The following AKAP12 variants were observed in gnomAD, a reference collection of about 807,000 sequenced individuals.
The protein encoded by AKAP12 is A-kinase anchoring protein 12.
AKAP12 carries 32 observed loss-of-function variants against 79.9 expected under a neutral mutation model. The ratio of observed to expected loss-of-function variants is 0.40; its 90% CI spans 0.30 to 0.54. The LOEUF is 0.54. Among genes scored for constraint, AKAP12 ranks in the 20% least tolerant of loss-of-function variants. The pLI, the probability that AKAP12 is intolerant of heterozygous loss-of-function variation, is 0.48. For missense variants in AKAP12, 2,074 were observed against 2,177.0 expected (o/e 0.95, Z 0.94); for synonymous variants, 808 against 857.0 (o/e 0.94, Z 1.00).
chr6:151,328,097 G>C (rs1196991452), intron 3 of AKAP12, among the ~76,000 whole-genome samples: 1 of 152,022 alleles, frequency 6.6e-6, no homozygotes, highest in Non-Finnish European at 1.5e-5. Context: ...GGAGGCCGAG[G>C]TGGGCGGATC....
At position 151,357,878 on chromosome 6, in the gene AKAP12, G is replaced by C. The variant is rs990487494; in HGVS notation, c.*2164G>C. 6.6e-6 allele frequency: 1 copy of C among 152,034 alleles called. No homozygotes were observed. Among genetic ancestry groups the C allele is most frequent in the African/African-American group, 2.4e-5 (1 of 41,394 alleles). The allele number at this position is 152,034 out of a possible 1,614,324, so 9.4% of individuals were successfully genotyped here. On this transcript the variant is annotated 3_prime_UTR_variant, in exon 5 of 5. Coordinates refer to ENST00000402676, the MANE Select transcript of AKAP12 (RefSeq NM_005100.4). ...TCTGTGCTGTTTTGAACAGATTAAAGATTTGTGTAGTTTGTGGGAAATTGA... is the reference window on the plus strand; with the variant it reads ...TCTGTGCTGTTTTGAACAGATTAAACATTTGTGTAGTTTGTGGGAAATTGA...
Position 151,350,829 on chromosome 6 carries a change from G to A in AKAP12, c.2438G>A (p.Gly813Glu), listed in dbSNP as rs530775686. 3.7e-6 allele frequency: 6 copies of A among 1,613,964 alleles called. No individual in the cohort carries two copies. Among genetic ancestry groups the A allele is most frequent in the South Asian group, 3.3e-5 (3 of 91,078 alleles). Residue 813 changes from glycine (G) to glutamate (E), a missense_variant, in exon 4 of 5, where the codon GGA (glycine) becomes GAA (glutamate). Transcript: ENST00000402676. The surrounding 1 kb of genome is among the most constrained non-coding windows in gnomAD (Gnocchi z 4.8). Reference protein sequence around the residue: ...SWVSIKKFIPGRRKKRPDGKQ... With the variant: ...SWVSIKKFIPERRKKRPDGKQ... ...GTCTCAATCAAGAAGTTTATTCCTG[G>A]ACGAAGGAAGAAAAGGCCAGATGGG...
At chr6:151,278,521 A>G (rs1261513789) in intron 2 of AKAP12, among the ~76,000 whole-genome samples, 3 of 152,062 alleles carry the variant, frequency 2.0e-5, no homozygotes, top group African/African-American at 7.2e-5. Context: ...TGGCTGTGTC[A>G]TGTGTTTTTA....
At chr6:151,286,754 T>C (rs1420412299) in intron 2 of AKAP12, among the ~76,000 whole-genome samples, 2 of 152,116 alleles carry the variant, frequency 1.3e-5, no homozygotes, top group Non-Finnish European at 2.9e-5. Context: ...CAGGGTAAGT[T>C]GCCCCTCTTG....
chr6:151,322,054 C>T (rs565213999), intron 3 of AKAP12, among the ~76,000 whole-genome samples: 5 of 151,880 alleles, frequency 3.3e-5, no homozygotes, highest in South Asian at 4.2e-4. Flanking sequence ...GGATTACAGG[C>T]GCCCGCCACC....
At chr6:151,347,551 TAGTTA>T (rs1017927578) in intron 3 of AKAP12, among the ~76,000 whole-genome samples, 1 of 152,222 alleles carries the variant, frequency 6.6e-6, no homozygotes, top group Admixed American at 6.5e-5. Flanking sequence ...AATTTTTTGA[TAGTTA>T]AGTTTGTCAA....
intron 2 of AKAP12, among the ~76,000 whole-genome samples, chr6:151,290,665 G>T (rs1776599154): frequency 6.6e-6 from 1 of 151,850 alleles, no homozygotes; most frequent in South Asian, 2.1e-4. Flanking sequence ...GAGTGCAGTG[G>T]CATGATCTTG....
intron 3 of AKAP12, among the ~76,000 whole-genome samples, chr6:151,344,481 A>G (rs566549790): frequency 6.6e-6 from 1 of 152,106 alleles, no homozygotes; most frequent in South Asian, 2.1e-4. Context: ...TCTAGGTCAC[A>G]CTCTTGCCCT....
intron 2 of AKAP12, among the ~76,000 whole-genome samples, chr6:151,283,090 A>G (rs1412970038): frequency 1.3e-5 from 2 of 152,160 alleles, no homozygotes; most frequent in African/African-American, 2.4e-5. Flanking sequence ...AGGCCCTTGT[A>G]TAAGGAGGCT....
At chr6:151,243,437 A>G in intron 2 of AKAP12, among the ~76,000 whole-genome samples, 1 of 152,214 alleles carries the variant, frequency 6.6e-6, no homozygotes, top group South Asian at 2.1e-4. Context: ...TTATTCACTA[A>G]GTGCCCTTAT....
chr6:151,351,669 T>C lies in AKAP12; in HGVS notation c.3278T>C (p.Val1093Ala). 1 of 1,614,072 alleles carries C rather than the reference T, an allele frequency of 6.2e-7. No homozygotes were observed. The highest frequency in any genetic ancestry group is 8.5e-7 in the Non-Finnish European group (1 of 1,180,020). The change falls in exon 4 of 5, where the codon GTG becomes GCG. Residue 1093 changes from valine (V) to alanine (A), a missense_variant. By Grantham distance (64) the Val-to-Ala change is moderately conservative. Coordinates refer to ENST00000402676, the MANE Select transcript of AKAP12 (RefSeq NM_005100.4). This position sits in a 1 kb window ranked among gnomAD's most constrained non-coding sequence, Gnocchi z 4.4. The part of the protein sequence containing the change: ...ASGLKKETDV[V>A]LKVDAQEAKT... Reference sequence around the variant, plus strand: ...GGTCTGAAGAAAGAGACGGATGTAGTGTTGAAAGTAGATGCTCAGGAGGCA... The same window carrying C: ...GGTCTGAAGAAAGAGACGGATGTAGCGTTGAAAGTAGATGCTCAGGAGGCA...
At chr6:151,266,228 A>G (rs891720877) in intron 2 of AKAP12, among the ~76,000 whole-genome samples, 4 of 152,246 alleles carry the variant, frequency 2.6e-5, no homozygotes, top group Admixed American at 1.3e-4. Flanking sequence ...AAAAGTTAGG[A>G]TAGATAGCTG....
intron 2 of AKAP12, among the ~76,000 whole-genome samples, chr6:151,281,496 T>C (rs1230079262): frequency 6.6e-6 from 1 of 152,242 alleles, no homozygotes; most frequent in African/African-American, 2.4e-5. Flanking sequence ...GGTCTTCTTA[T>C]ATGCTTCAGA....
intron 2 of AKAP12, among the ~76,000 whole-genome samples, chr6:151,245,593 C>T (rs1444242559): frequency 7.1e-5 from 10 of 141,786 alleles, no homozygotes; most frequent in Admixed American, 6.9e-4. Context: ...TGCAGGGAGC[C>T]GAGATGGCAC....
In AKAP12 at chr6:151,312,793, C is replaced by CAAAAAAAAAAA. The variant is rs55685824; in HGVS notation, c.319+6898_319+6908dup. Among the ~76,000 whole-genome samples, 617 of 72,896 alleles carry CAAAAAAAAAAA rather than the reference C, an allele frequency of 8.5e-3. 9 individuals carry two copies. The highest frequency in any genetic ancestry group is 0.031 in the South Asian group (54 of 1,728). The allele number at this position is 72,896 out of a possible 152,430, so 47.8% of individuals were successfully genotyped here. ...GGCTACAAGAGGGAGACTCTGTCTC[C>CAAAAAAAAAAA]AAAAAAAAAAAAAAAAAAGAATCAT... On this transcript the variant is annotated intron_variant, in intron 3 of 4. Coordinates refer to ENST00000402676, the MANE Select transcript of AKAP12 (RefSeq NM_005100.4).
chr6:151,324,529 T>C (rs1777477379), intron 3 of AKAP12: 1 of 985,288 alleles, frequency 1.0e-6, no homozygotes, highest in Non-Finnish European at 1.2e-6. Context: ...GTGCCCACTG[T>C]GGTCTACGCC....
intron 2 of AKAP12, among the ~76,000 whole-genome samples, chr6:151,284,058 C>T (rs1322552402): frequency 6.6e-5 from 10 of 152,168 alleles, no homozygotes; most frequent in African/African-American, 2.4e-4. Flanking sequence ...AAGTCTTAAG[C>T]GTATAGCTTG....
Position 151,351,814 on chromosome 6 carries a change from C to T in AKAP12, c.3423C>T (p.Ala1141=), listed in dbSNP as rs758625386. Residue 1141 remains alanine (A), a synonymous_variant, in exon 4 of 5, where the codon GCC becomes GCT. Coordinates refer to ENST00000402676, the MANE Select transcript of AKAP12 (RefSeq NM_005100.4). This position sits in a 1 kb window ranked among gnomAD's most constrained non-coding sequence, Gnocchi z 4.4. ...ESSELVTTCQ[A]ETLAGVKSQE... ...GTGAGCTTGTAACCACTTGTCAAGC[C>T]GAAACCTTAGCTGGGGTAAAATCAC... The T allele has an allele frequency of 5.6e-6, 9 of 1,613,888 alleles. No individual in the cohort carries two copies. The highest frequency in any genetic ancestry group is 2.7e-5 in the African/African-American group (2 of 74,846).
Position 151,305,821 on chromosome 6 carries a change from T to C in AKAP12, c.237T>C (p.Gly79=). 1 of 1,613,864 alleles carries C rather than the reference T, an allele frequency of 6.2e-7. No homozygotes were observed. The highest frequency in any genetic ancestry group is 8.5e-7 in the Non-Finnish European group (1 of 1,179,962). The change falls in exon 3 of 5, where the codon GGT becomes GGC. Residue 79 remains glycine (G), a synonymous_variant. Coordinates refer to ENST00000402676, the MANE Select transcript of AKAP12 (RefSeq NM_005100.4). Reference sequence around the variant, plus strand: ...AAGATGAGCTCAGCCTCCAGGAGGGTGACCTAAATGGCCAGAAAGGAGCCC... The same window carrying C: ...AAGATGAGCTCAGCCTCCAGGAGGGCGACCTAAATGGCCAGAAAGGAGCCC... ...AEQDELSLQE[G]DLNGQKGALN... is the part of the protein sequence containing the mutation.
Sources: gnomAD v4.1 joint callset for allele counts (sites outside exome capture counted in the v4.1 genomes callset) on GRCh38, gnomAD v4.1.1 for gene constraint, Gnocchi (gnomAD v3.1) non-coding constraint, MANE v1.5 for transcripts, NCBI Gene and HGNC (gene_info 2026-07-23, HGNC 2026-07-21) for gene names.